SYCP1: variants seen among roughly 807,000 people sequenced by gnomAD.
The protein encoded by SYCP1 is synaptonemal complex protein 1, also known as cancer/testis antigen 8.
SYCP1 carries 64 observed loss-of-function variants against 153.1 expected under a neutral mutation model. The ratio of observed to expected loss-of-function variants is 0.42; its 90% CI spans 0.34 to 0.51. SYCP1 has a LOEUF of 0.51. SYCP1 is among the 20% of genes least tolerant of loss of function. The probability of loss-of-function intolerance (pLI) is 0.06; values close to 1 mark genes in which losing one functional copy is unlikely to be tolerated. For missense variants in SYCP1, 997 were observed against 1,049.0 expected, an observed-to-expected ratio of 0.95 and a Z score of 0.68; for synonymous variants, 384 against 341.8, an observed-to-expected ratio of 1.12 and a Z score of -1.36.
intron 27 of SYCP1, among the ~76,000 whole-genome samples, chr1:114,958,793 G>A (rs888291992): frequency 6.6e-6 from 1 of 150,972 alleles, no homozygotes; most frequent in African/African-American, 2.4e-5. Context: ...AGCCGGGCAT[G>A]GTGGTGGGTG....
intron 17 of SYCP1, 133 bp downstream of exon 17, chr1:114,910,634 A>G (rs1668114041): frequency 1.9e-6 from 1 of 524,610 alleles, no homozygotes; most frequent in Non-Finnish European, 3.2e-6. Context: ...TATTACATTA[A>G]TATATTTATG....
intron 6 of SYCP1, among the ~76,000 whole-genome samples, chr1:114,859,145 T>C (rs1207405287): frequency 6.6e-6 from 1 of 152,218 alleles, no homozygotes; most frequent in Non-Finnish European, 1.5e-5. Flanking sequence ...TGGAGTGCAG[T>C]GGCACCATCT....
chr1:114,855,766 A>T (rs538699374), intron 2 of SYCP1, among the ~76,000 whole-genome samples, 194 bp downstream of exon 2: 25 of 152,346 alleles, frequency 1.6e-4, no homozygotes, highest in African/African-American at 6.0e-4. Flanking sequence ...TTAAATAATG[A>T]CTGCTGCCGT....
At chr1:114,955,388 A>G (rs992435891) in intron 27 of SYCP1, among the ~76,000 whole-genome samples, 35 of 152,130 alleles carry the variant, frequency 2.3e-4, no homozygotes, top group East Asian at 1.9e-4. Flanking sequence ...TTTCTTCTCT[A>G]TACTATCTTG....
At chr1:114,961,796 G>A (rs959821185) in intron 27 of SYCP1, among the ~76,000 whole-genome samples, 6 of 152,070 alleles carry the variant, frequency 3.9e-5, no homozygotes, top group Admixed American at 1.3e-4. Context: ...ATGTGGTGAT[G>A]AATAGAATGT....
At chr1:114,988,086 AAAAAAAAAAAG>A (rs1212008371) in intron 30 of SYCP1, among the ~76,000 whole-genome samples, 1 of 149,772 alleles carries the variant, frequency 6.7e-6, no homozygotes, top group African/African-American at 2.5e-5. Context: ...ACGGCAAAAA[AAAAAAAAAAAG>A]AAAAAGAAAA....
intron 16 of SYCP1, among the ~76,000 whole-genome samples, chr1:114,903,686 A>G (rs1335492142): frequency 6.6e-6 from 1 of 152,194 alleles, no homozygotes; most frequent in Admixed American, 6.5e-5. Flanking sequence ...CAAAAAGCAC[A>G]TTTGGCCTGA....
intron 21 of SYCP1, 102 bp downstream of exon 21, chr1:114,923,632 T>TA (rs1447482870): frequency 8.4e-7 from 1 of 1,196,906 alleles, no homozygotes; most frequent in Non-Finnish European, 1.1e-6. Context: ...GTTGTATAAA[T>TA]AATAGTGATC....
At chr1:114,882,909 G>A (rs887787993) in intron 12 of SYCP1, among the ~76,000 whole-genome samples, 9 of 151,976 alleles carry the variant, frequency 5.9e-5, no homozygotes, top group Admixed American at 1.3e-4. Context: ...AAACTGTCCC[G>A]GCTTATTGTA....
intron 12 of SYCP1, among the ~76,000 whole-genome samples, chr1:114,880,484 G>C (rs1229170462): frequency 6.6e-6 from 1 of 152,158 alleles, no homozygotes; most frequent in East Asian, 1.9e-4. Context: ...TTCTCTGCTG[G>C]AGAGAAATTG....
chr1:114,926,603 G>A (rs747589881), intron 23 of SYCP1, 40 bp downstream of exon 23: 1 of 1,447,474 alleles, frequency 6.9e-7, no homozygotes, highest in South Asian at 1.3e-5. Context: ...AATACTAATA[G>A]ATAGATGAGA....
chr1:114,973,577 C>G (rs1672623339), intron 27 of SYCP1, among the ~76,000 whole-genome samples: 1 of 152,020 alleles, frequency 6.6e-6, no homozygotes, highest in African/African-American at 2.4e-5. Flanking sequence ...GAAATGAGCA[C>G]ATTTGTATAT....
At position 114,926,532 on chromosome 1, in the gene SYCP1, A is replaced by G; in HGVS notation, c.1895A>G (p.Glu632Gly). ...NKALKKKGTA[E>G]SKQLNVYEIK... Reference sequence around the variant, plus strand: ...GCCTTGAAAAAAAAAGGTACAGCAGAAAGCAAGCAACTGAATGTTTATGAG... The same window carrying G: ...GCCTTGAAAAAAAAAGGTACAGCAGGAAGCAAGCAACTGAATGTTTATGAG... Residue 632 changes from glutamate to glycine, a missense_variant, in exon 23 of 32, where the codon GAA becomes GGA. By Grantham distance (98) the Glu-to-Gly change is moderately conservative. Transcript: ENST00000369522. 6.3e-7 allele frequency: 1 copy of G among 1,598,960 alleles called. No homozygotes were observed. The highest frequency in any genetic ancestry group is 8.5e-7 in the Non-Finnish European group (1 of 1,172,774).
intron 24 of SYCP1, 86 bp from the exon 25 acceptor site, chr1:114,944,786 T>C (rs1358206437): frequency 2.0e-6 from 2 of 1,002,390 alleles, no homozygotes; most frequent in African/African-American, 3.3e-5. Context: ...GGTTTGCTTT[T>C]ATTTAAGTAG....
chr1:114,870,876 G>A (rs989017772), intron 8 of SYCP1, among the ~76,000 whole-genome samples: 2 of 151,962 alleles, frequency 1.3e-5, no homozygotes, highest in African/African-American at 2.4e-5. Flanking sequence ...TGATATAGTT[G>A]GATTATTATC....
rs561639732 is a variant in SYCP1 at position 114,906,081 on chromosome 1, T to C, written c.1321-4316T>C. ...CCTGGGTTCAAGTCATTCTCCTGCT[T>C]CAGCCTCCTGAGTAGCTGGGATTAT... On this transcript the variant is annotated intron_variant, in intron 16 of 31. Coordinates refer to ENST00000369522, the MANE Select transcript of SYCP1 (RefSeq NM_003176.4). Among the ~76,000 whole-genome samples, 158 of 152,206 alleles carry C rather than the reference T, an allele frequency of 1.0e-3. 2 individuals carry two copies. The highest frequency in any genetic ancestry group is 3.7e-3 in the African/African-American group (153 of 41,526).
In SYCP1 at chr1:114,858,687, G is replaced by A; in HGVS notation, c.432G>A (p.Gln144=). The A allele has an allele frequency of 6.2e-7, 1 of 1,610,842 alleles. No homozygotes were observed. The highest frequency in any genetic ancestry group is 8.5e-7 in the Non-Finnish European group (1 of 1,178,922). ...LQENRKIIEA[Q]RKAIQELQFG... is the part of the protein sequence containing the mutation. Reference sequence around the variant, plus strand: ...AAAACAGAAAGATAATTGAAGCACAGCGAAAAGCCATTCAGGAACTGCAAG... The same window carrying A: ...AAAACAGAAAGATAATTGAAGCACAACGAAAAGCCATTCAGGAACTGCAAG... Residue 144 remains glutamine (Q), a synonymous_variant, in exon 6 of 32, where the codon CAG becomes CAA. Coordinates refer to ENST00000369522, the MANE Select transcript of SYCP1 (RefSeq NM_003176.4).
In SYCP1 at chr1:114,913,976, A is replaced by T. The variant is rs1450804227; in HGVS notation, c.1649A>T (p.Asn550Ile). 6.4e-7 allele frequency: 1 copy of T among 1,552,480 alleles called. No homozygotes were observed. The highest frequency in any genetic ancestry group is 2.3e-5 in the East Asian group (1 of 43,144). Residue 550 changes from asparagine (N) to isoleucine (I), a missense_variant and splice_region_variant, in exon 20 of 32, where the codon AAT becomes ATT. By Grantham distance (149) the Asn-to-Ile change is moderately radical. Around this residue, in one of 2 missense-constraint regions of SYCP1, gnomAD observed 712 missense variants for 682.9 expected, o/e 1.04. Transcript: ENST00000369522. ...ELKNQQEDIN[N>I]NKKQEERMLK... ...ATATAAACAACATTATTTCTTTAGA[A>T]TAACAAAAAGCAAGAAGAAAGGATG... is the stretch of plus-strand genomic sequence containing the variant.
rs1213747206 is a variant in SYCP1, at chr1:114,995,072, ATATTTTGTTCT to A, written c.*59_*69del. ...CCTAATAACGTGAAACTTATAGTTA[ATATTTTGTTCT>A]TATTTGCCAGAGCCAAATTTTATCT... On this transcript the variant is annotated 3_prime_UTR_variant, in exon 32 of 32. Transcript: ENST00000369522. 6.1e-6 allele frequency: 9 copies of A among 1,481,726 alleles called. No homozygotes were observed. The East Asian group carries it at 1.9e-4, about 31-fold the overall frequency. 91.8% of individuals were successfully genotyped at this position (1,481,726 alleles called of 1,614,324 possible).
Sources: gnomAD v4.1 joint callset for allele counts (sites outside exome capture counted in the v4.1 genomes callset) on GRCh38, gnomAD v4.1.1 for gene constraint, gnomAD v4.1.1 regional missense constraint, MANE v1.5 for transcripts, NCBI Gene and HGNC (gene_info 2026-07-23, HGNC 2026-07-21) for gene names.